CSGALNACT2: variants seen among roughly 807,000 people sequenced by gnomAD.
CSGALNACT2 encodes chondroitin sulfate N-acetylgalactosaminyltransferase 2, also known as beta 4 GalNAcT-2.
CSGALNACT2 carries 35 observed loss-of-function variants against 55.3 expected under a neutral mutation model. The observed-to-expected ratio is 0.63, with a 90% CI of 0.48 to 0.84. The LOEUF (loss-of-function observed/expected upper bound fraction) is 0.84. CSGALNACT2 is among the 40% of genes least tolerant of loss of function. The pLI is 0.00. For missense variants in CSGALNACT2, 544 were observed against 657.5 expected, an observed-to-expected ratio of 0.83 and a Z score of 1.89; for synonymous variants, 196 against 224.9, an observed-to-expected ratio of 0.87 and a Z score of 1.15.
At chr10:43,148,495 G>A (rs1053296979) in intron 1 of CSGALNACT2, among the ~76,000 whole-genome samples, 5 of 152,144 alleles carry the variant, frequency 3.3e-5, no homozygotes, top group Admixed American at 6.5e-5. Flanking sequence ...TACCATTTTA[G>A]CAATATTAAG....
At chr10:43,146,813 A>C (rs1838758939) in intron 1 of CSGALNACT2, among the ~76,000 whole-genome samples, 1 of 151,816 alleles carries the variant, frequency 6.6e-6, no homozygotes, top group Admixed American at 6.6e-5. Context: ...TCCCATCAGC[A>C]GTGTATGAAA....
chr10:43,157,087 T>G (rs1839028154), intron 2 of CSGALNACT2, among the ~76,000 whole-genome samples: 1 of 152,222 alleles, frequency 6.6e-6, no homozygotes, highest in South Asian at 2.1e-4. Flanking sequence ...TGTCACTTCC[T>G]GCCATTTTTG....
Position 43,176,027 on chromosome 10 carries a change from C to A in CSGALNACT2, c.1331C>A (p.Thr444Asn). ...MTCQYRSDFL[T>N]IGGFDMEVKG... ...TGTCAGTATCGTTCAGATTTCCTGA[C>A]CATTGGTAAGTATACTTTACATTTA... The change falls in exon 7 of 8, where the codon ACC becomes AAC. Residue 444 changes from threonine (T) to asparagine (N), a missense_variant. This residue lies in a region of CSGALNACT2 where 170 missense variants were observed against 256.2 expected (regional missense o/e 0.66). Transcript: ENST00000374466. The A allele has an allele frequency of 6.2e-7, 1 of 1,604,720 alleles. No homozygotes were observed. Among genetic ancestry groups the A allele is most frequent in the South Asian group, 1.1e-5 (1 of 88,824 alleles).
intron 1 of CSGALNACT2, among the ~76,000 whole-genome samples, chr10:43,146,437 G>A (rs1838749529): frequency 6.6e-6 from 1 of 152,208 alleles, no homozygotes; most frequent in Non-Finnish European, 1.5e-5. Flanking sequence ...AGTAGATGGT[G>A]CCCAACCAGA....
chr10:43,171,113 A>G (rs1564519195), intron 6 of CSGALNACT2, among the ~76,000 whole-genome samples: 1 of 152,216 alleles, frequency 6.6e-6, no homozygotes, highest in Non-Finnish European at 1.5e-5. Context: ...TTAAATAGTA[A>G]TATAGCAATG....
intron 7 of CSGALNACT2, among the ~76,000 whole-genome samples, chr10:43,177,385 A>C (rs569969204): frequency 6.6e-6 from 1 of 152,244 alleles, no homozygotes; most frequent in African/African-American, 2.4e-5. Context: ...TCACCCCAAA[A>C]AGAAATCCCA....
At chr10:43,161,991 A>C (rs540110618) in intron 4 of CSGALNACT2, among the ~76,000 whole-genome samples, 5 of 152,166 alleles carry the variant, frequency 3.3e-5, no homozygotes, top group Non-Finnish European at 7.3e-5. Flanking sequence ...GTGTAAACCT[A>C]CCTTGAGCTT....
chr10:43,178,809 T>C (rs1215766854), intron 7 of CSGALNACT2, among the ~76,000 whole-genome samples: 2 of 152,160 alleles, frequency 1.3e-5, no homozygotes, highest in Admixed American at 6.5e-5. Context: ...TTGAATACTT[T>C]TTCTGCTCCA....
chr10:43,158,129 T>G (rs1324496632), intron 2 of CSGALNACT2, among the ~76,000 whole-genome samples: 1 of 152,114 alleles, frequency 6.6e-6, no homozygotes, highest in Non-Finnish European at 1.5e-5. Context: ...CCAATTTTTC[T>G]TTGACTTCAC....
Position 43,155,463 on chromosome 10 carries a change from A to G in CSGALNACT2, c.314A>G (p.Asn105Ser). The G allele has an allele frequency of 6.2e-7, 1 of 1,614,232 alleles. No individual in the cohort carries two copies. The highest frequency in any genetic ancestry group is 2.2e-5 in the East Asian group (1 of 44,894). The change falls in exon 2 of 8, where the codon AAT becomes AGT. Residue 105 changes from asparagine (N) to serine (S), a missense_variant. Asn to Ser is a conservative substitution (Grantham distance 46). Around this residue, in one of 2 missense-constraint regions of CSGALNACT2, gnomAD observed 374 missense variants for 401.3 expected, o/e 0.93. Transcript: ENST00000374466. ...CAAGAAAGAAGGAATGTAGGGGCTA[A>G]TGGCATAGGCTATCAGAGCAACAAA... is the stretch of plus-strand genomic sequence containing the variant. ...SLQERRNVGA[N>S]GIGYQSNKEQ...
At chr10:43,143,151 G>A (rs1838666848) in intron 1 of CSGALNACT2, among the ~76,000 whole-genome samples, 1 of 152,160 alleles carries the variant, frequency 6.6e-6, no homozygotes, top group Non-Finnish European at 1.5e-5. Context: ...AGGCCATCTG[G>A]CTCCCAAGCC....
At chr10:43,182,439 T>G (rs1395536438) in intron 7 of CSGALNACT2, among the ~76,000 whole-genome samples, 1 of 152,210 alleles carries the variant, frequency 6.6e-6, no homozygotes, top group Non-Finnish European at 1.5e-5. Context: ...CCTGTTTTCC[T>G]TCCAAATTCC....
chr10:43,142,424 G>A (rs1008247248), intron 1 of CSGALNACT2, among the ~76,000 whole-genome samples: 5 of 152,006 alleles, frequency 3.3e-5, no homozygotes, highest in African/African-American at 1.2e-4. Flanking sequence ...GGCTGGTCTT[G>A]AACTCCTGAC....
At chr10:43,170,766 C>A (rs1839366519) in intron 6 of CSGALNACT2, among the ~76,000 whole-genome samples, 1 of 152,158 alleles carries the variant, frequency 6.6e-6, no homozygotes, top group African/African-American at 2.4e-5. Flanking sequence ...CCAGCAGACA[C>A]CTTAACCAAG....
intron 5 of CSGALNACT2, 144 bp downstream of exon 5, chr10:43,164,188 G>A: frequency 1.6e-6 from 1 of 640,550 alleles, no homozygotes; most frequent in Non-Finnish European, 2.5e-6. Context: ...TAATTTAACT[G>A]GAATACTAAA....
intron 5 of CSGALNACT2, among the ~76,000 whole-genome samples, chr10:43,165,347 A>G (rs1250855378): frequency 1.3e-5 from 2 of 152,136 alleles, no homozygotes; most frequent in African/African-American, 4.8e-5. Flanking sequence ...AGCCAGTAGT[A>G]GCATTAAAAA....
chr10:43,148,294 G>T (rs1588893159), intron 1 of CSGALNACT2, among the ~76,000 whole-genome samples: 1 of 152,102 alleles, frequency 6.6e-6, no homozygotes, highest in East Asian at 1.9e-4. Flanking sequence ...AATTACCTGG[G>T]GCTCTGTAGT....
intron 1 of CSGALNACT2, among the ~76,000 whole-genome samples, chr10:43,147,157 A>T (rs948534561): frequency 1.3e-5 from 2 of 150,398 alleles, no homozygotes; most frequent in African/African-American, 2.4e-5. Flanking sequence ...TTGTATTTTT[A>T]GTAGAGACGG....
intron 7 of CSGALNACT2, among the ~76,000 whole-genome samples, chr10:43,181,209 G>A (rs1215578236): frequency 1.3e-5 from 2 of 152,170 alleles, no homozygotes; most frequent in Non-Finnish European, 2.9e-5. Flanking sequence ...ATTACAGTTA[G>A]GGTTTTCCTA....
Sources: gnomAD v4.1 joint callset for allele counts (sites outside exome capture counted in the v4.1 genomes callset) on GRCh38, gnomAD v4.1.1 for gene constraint, gnomAD v4.1.1 regional missense constraint, MANE v1.5 for transcripts, NCBI Gene and HGNC (gene_info 2026-07-23, HGNC 2026-07-21) for gene names.